The following WDR49 variants were observed in gnomAD, a reference collection of about 807,000 sequenced individuals.
WDR49 encodes cilia- and flagella-associated protein 337.
A neutral mutation model predicts 119.5 loss-of-function variants in WDR49; 107 were observed. The ratio of observed to expected loss-of-function variants is 0.90; its 90% CI spans 0.77 to 1.05. WDR49 has a LOEUF of 1.05. Among genes scored for constraint, WDR49 ranks in the 50% least tolerant of loss-of-function variants. The pLI is 0.00. For synonymous variants in WDR49, 425 were observed against 418.8 expected (o/e 1.01, Z -0.18); for missense variants, 1,240 against 1,220.5 (o/e 1.02, Z -0.24).
intron 2 of WDR49, among the ~76,000 whole-genome samples, chr3:167,638,760 A>T (rs1250602025): frequency 1.3e-5 from 2 of 151,546 alleles, no homozygotes; most frequent in African/African-American, 4.8e-5. Flanking sequence ...TTTAATTTTC[A>T]TTTATACTAT....
At chr3:167,607,420 G>C (rs778664361) in intron 5 of WDR49, among the ~76,000 whole-genome samples, 5 of 152,126 alleles carry the variant, frequency 3.3e-5, no homozygotes, top group African/African-American at 2.4e-5. Flanking sequence ...TTTGACCTAT[G>C]ACTACTTTAA....
intron 2 of WDR49, 99 bp downstream of exon 2, chr3:167,653,162 G>A: frequency 7.7e-7 from 1 of 1,291,960 alleles, no homozygotes; most frequent in South Asian, 1.3e-5. Context: ...TAACAATTAA[G>A]TGTATTTTTT....
intron 5 of WDR49, among the ~76,000 whole-genome samples, chr3:167,617,217 C>T (rs931212164): frequency 5.3e-5 from 8 of 151,998 alleles, no homozygotes; most frequent in South Asian, 2.1e-4. Context: ...TCAGGAAAAA[C>T]GTTGGCAAGA....
rs553914230 is a variant in WDR49, at chr3:167,493,823, G to A, written c.3031+6330C>T. 1.1e-4 allele frequency among the ~76,000 whole-genome samples: 16 copies of A among 152,110 alleles called. No individual in the cohort carries two copies. In the Middle Eastern group the frequency reaches 0.014, roughly 129 times the overall value. On this transcript the variant is annotated intron_variant, in intron 18 of 18. Coordinates refer to ENST00000682715, the MANE Select transcript of WDR49 (RefSeq NM_001366157.1). ...AGAAAGGTGTCAGCTTTCTTTAGTA[G>A]GTGTCCCATAGGCACCTCCATCTCA...
chr3:167,539,720 T>C (rs1711670474), intron 10 of WDR49, among the ~76,000 whole-genome samples: 1 of 152,150 alleles, frequency 6.6e-6, no homozygotes, highest in African/African-American at 2.4e-5. Flanking sequence ...AGGCAAGCCT[T>C]CCCTGACCAC....
At chr3:167,546,679 A>T in intron 10 of WDR49, among the ~76,000 whole-genome samples, 1 of 150,134 alleles carries the variant, frequency 6.7e-6, no homozygotes, top group Non-Finnish European at 1.5e-5. Context: ...AAATTAGTTT[A>T]CCTGTCAAGT....
At chr3:167,655,248 C>T (rs550219783), upstream of WDR49, among the ~76,000 whole-genome samples, 16 of 152,198 alleles carry the variant, frequency 1.1e-4, no homozygotes, top group South Asian at 1.9e-3. Context: ...ATGGGGAAAC[C>T]GCCCCCTTGA....
At chr3:167,608,291 A>G (rs1285217761) in intron 5 of WDR49, among the ~76,000 whole-genome samples, 1 of 152,226 alleles carries the variant, frequency 6.6e-6, no homozygotes. Flanking sequence ...GTGCATGGAA[A>G]TCCCATAATA....
intron 5 of WDR49, among the ~76,000 whole-genome samples, chr3:167,616,311 C>T (rs891003099): frequency 3.3e-5 from 5 of 152,292 alleles, no homozygotes; most frequent in African/African-American, 1.2e-4. Context: ...GATGGCATAA[C>T]AAGGACTGAT....
intron 18 of WDR49, among the ~76,000 whole-genome samples, chr3:167,494,238 G>A (rs930505133): frequency 2.0e-5 from 3 of 152,148 alleles, no homozygotes; most frequent in Admixed American, 6.6e-5. Flanking sequence ...AGTAGAAGGC[G>A]AAGTGATGAT....
chr3:167,509,189 C>A (rs1751876843), intron 16 of WDR49, among the ~76,000 whole-genome samples: 1 of 152,092 alleles, frequency 6.6e-6, no homozygotes, highest in South Asian at 2.1e-4. Context: ...GAAAATGTGT[C>A]AGATAATAAA....
intron 7 of WDR49, among the ~76,000 whole-genome samples, chr3:167,585,307 T>G (rs138657714): frequency 8.4e-4 from 128 of 152,214 alleles, no homozygotes; most frequent in African/African-American, 3.0e-3. Flanking sequence ...ATAGGCAATA[T>G]TTATGTAAAG....
At chr3:167,536,775 C>T (rs1382277150) in intron 11 of WDR49, 95 bp downstream of exon 11, 4 of 849,324 alleles carry the variant, frequency 4.7e-6, no homozygotes, top group African/African-American at 2.1e-5. Context: ...ATATATAAAA[C>T]AACTGAGAAA....
chr3:167,515,608 A>G (rs1284765752), intron 16 of WDR49, among the ~76,000 whole-genome samples: 2 of 152,250 alleles, frequency 1.3e-5, no homozygotes, highest in African/African-American at 2.4e-5. Context: ...CACCACTCCT[A>G]TTCAGGGTAG....
chr3:167,609,457 C>A (rs1278091138), intron 5 of WDR49, among the ~76,000 whole-genome samples: 1 of 152,082 alleles, frequency 6.6e-6, no homozygotes, highest in Non-Finnish European at 1.5e-5. Flanking sequence ...AGAAAGGAAA[C>A]CTGGACCAAA....
At chr3:167,516,127 A>G (rs1752191350) in intron 16 of WDR49, among the ~76,000 whole-genome samples, 1 of 152,190 alleles carries the variant, frequency 6.6e-6, no homozygotes, top group African/African-American at 2.4e-5. Context: ...TTATACTTTA[A>G]GTTTTAGGGT....
intron 18 of WDR49, among the ~76,000 whole-genome samples, chr3:167,486,126 A>T (rs2108192628): frequency 6.6e-6 from 1 of 152,280 alleles, no homozygotes; most frequent in South Asian, 2.1e-4. Context: ...ATTCCATCCA[A>T]TAATTTCATA....
chr3:167,516,297 T>C (rs1752199032), intron 16 of WDR49, among the ~76,000 whole-genome samples: 1 of 133,488 alleles, frequency 7.5e-6, no homozygotes, highest in African/African-American at 2.8e-5. Flanking sequence ...CCCCTTCCTG[T>C]GTCCATGTGT....
chr3:167,644,260 T>C (rs1029895962), intron 2 of WDR49, among the ~76,000 whole-genome samples: 66 of 152,166 alleles, frequency 4.3e-4, no homozygotes, highest in African/African-American at 1.5e-3. Context: ...TTAGAAATAG[T>C]ACCCCAGAGT....
Sources: gnomAD v4.1 joint callset for allele counts (sites outside exome capture counted in the v4.1 genomes callset) on GRCh38, gnomAD v4.1.1 for gene constraint, MANE v1.5 for transcripts, NCBI Gene and HGNC (gene_info 2026-07-23, HGNC 2026-07-21) for gene names.